ADAMTSL4: variants seen among roughly 807,000 people sequenced by gnomAD.
ADAMTSL4 encodes ADAMTS-like protein 4.
ADAMTSL4 carries 97 observed loss-of-function variants against 122.8 expected under a neutral mutation model. The ratio of observed to expected loss-of-function variants is 0.79; its 90% CI spans 0.67 to 0.93. The LOEUF (loss-of-function observed/expected upper bound fraction) is 0.93. Ranked by LOEUF, ADAMTSL4 falls within the 40% of genes least tolerant of loss-of-function variation. ADAMTSL4 has a pLI of 0.00. For missense variants in ADAMTSL4, 1,408 were observed against 1,453.5 expected, an observed-to-expected ratio of 0.97 and a Z score of 0.51; for synonymous variants, 592 against 568.0, an observed-to-expected ratio of 1.04 and a Z score of -0.60.
At chr1:150,555,408 C>T (rs762928526) in intron 7 of ADAMTSL4, 21 bp from the exon 8 acceptor site, 11 of 1,613,672 alleles carry the variant, frequency 6.8e-6, no homozygotes, top group South Asian at 2.2e-5. Context: ...CCACTAACCA[C>T]CCTTCTACCC....
rs587657428 is a variant in ADAMTSL4, at chr1:150,555,711, G to GCA, written c.1371+152_1371+153dup. On this transcript the variant is annotated intron_variant, in intron 8 of 18. Coordinates refer to ENST00000271643, the MANE Select transcript of ADAMTSL4 (RefSeq NM_019032.6). Reference sequence around the variant, plus strand: ...CACACGCATATGCGCACAGACACATGCACACACGCACACACACACACGCAC... The same window carrying GCA: ...CACACGCATATGCGCACAGACACATGCACACACACGCACACACACACACGCAC... 518 of 1,115,950 alleles carry GCA rather than the reference G, an allele frequency of 4.6e-4. 5 individuals are homozygous for GCA. The African/African-American group carries it at 7.3e-3, about 16-fold the overall frequency. The allele number at this position is 1,115,950 out of a possible 1,614,324, so 69.1% of individuals were successfully genotyped here.
chr1:150,552,399 G>A lies in ADAMTSL4; in HGVS notation c.20+91G>A, dbSNP rs775143896. ...GAAGTGAGGGAAAGGGGACCACTGGGAGGGGCAGGGGAAGTGATGAGTAAC... is the reference window on the plus strand; with the variant it reads ...GAAGTGAGGGAAAGGGGACCACTGGAAGGGGCAGGGGAAGTGATGAGTAAC... On this transcript the variant is annotated intron_variant, in intron 3 of 18. Coordinates refer to ENST00000271643, the MANE Select transcript of ADAMTSL4 (RefSeq NM_019032.6). The surrounding 1 kb of genome is among the most constrained non-coding windows in gnomAD (Gnocchi z 4.0). 295 of 1,536,704 alleles carry A rather than the reference G, an allele frequency of 1.9e-4. No homozygotes were observed. Among genetic ancestry groups the A allele is most frequent in the Non-Finnish European group, 2.5e-4 (279 of 1,127,376 alleles).
At chr1:150,550,176 G>C (rs1671249479) in intron 2 of ADAMTSL4, 1 of 456,038 alleles carries the variant, frequency 2.2e-6, no homozygotes, top group African/African-American at 2.0e-5. Flanking sequence ...GCCCGCGTTT[G>C]TCCAGACCAG....
Position 150,553,825 on chromosome 1 carries a change from C to T in ADAMTSL4, c.834C>T (p.Ser278=). The T allele has an allele frequency of 6.2e-7, 1 of 1,613,936 alleles. No individual in the cohort carries two copies. The highest frequency in any genetic ancestry group is 2.2e-5 in the East Asian group (1 of 44,858). Residue 278 remains serine (S), a synonymous_variant, in exon 6 of 19, where the codon TCC becomes TCT. Coordinates refer to ENST00000271643, the MANE Select transcript of ADAMTSL4 (RefSeq NM_019032.6). The stretch of plus-strand genomic sequence containing the variant: ...GAGAAGGTGGCTTCTTCCGTGCATC[C>T]CCTCAGCCACGAAGGCCAAGTTCCC... The part of the protein sequence containing the change: ...SLGEGGFFRA[S]PQPRRPSSQG...
chr1:150,557,025 GCCCCCTGT>G lies in ADAMTSL4; in HGVS notation c.1842_1849del (p.Val615AlafsTer78). 6.2e-7 allele frequency: 1 copy of G among 1,613,836 alleles called. No homozygotes were observed. Among genetic ancestry groups the G allele is most frequent in the Non-Finnish European group, 8.5e-7 (1 of 1,179,890 alleles). ...CAATCCTTGAGAACCCCACCCCAGA[GCCCCCTGT>G]CCCCCAGCTTCAGCCGGGTAAGACT... On this transcript the variant is annotated frameshift_variant, in exon 11 of 19. Coordinates refer to ENST00000271643, the MANE Select transcript of ADAMTSL4 (RefSeq NM_019032.6). LOFTEE classifies it high-confidence loss of function.
Position 150,552,100 on chromosome 1 carries a change from G to A in ADAMTSL4, c.-84-105G>A, listed in dbSNP as rs1395038491. 1.6e-6 allele frequency: 1 copy of A among 628,300 alleles called. No individual in the cohort carries two copies. The highest frequency in any genetic ancestry group is 1.8e-5 in the African/African-American group (1 of 54,164). 38.9% of individuals were successfully genotyped at this position (628,300 alleles called of 1,614,324 possible). A position where few individuals can be genotyped will look rare whatever the true frequency, so the allele number is the denominator to read the frequency against. On this transcript the variant is annotated intron_variant, in intron 2 of 18. Transcript: ENST00000271643. The surrounding 1 kb of genome is among the most constrained non-coding windows in gnomAD (Gnocchi z 4.0). ...CTGCTCCCACCCTGAGGATCCTAAA[G>A]GGATGGACCAGTTTCACCCCCTCCT... is the stretch of plus-strand genomic sequence containing the variant.
At chr1:150,551,176 C>T in intron 2 of ADAMTSL4, 3 of 361,890 alleles carry the variant, frequency 8.3e-6, no homozygotes, top group Non-Finnish European at 1.7e-5. Flanking sequence ...AATGAGAGGC[C>T]TGTGGCTGGG....
intron 2 of ADAMTSL4, chr1:150,551,454 G>C (rs1053008449): frequency 8.6e-5 from 16 of 185,052 alleles, no homozygotes; most frequent in African/African-American, 3.7e-4. Flanking sequence ...AGAGATGACT[G>C]GGGAAGGTCT....
In ADAMTSL4 at chr1:150,554,590, C is replaced by G. The variant is rs1031222221; in HGVS notation, c.1234+123C>G. The G allele has an allele frequency of 3.9e-6, 6 of 1,552,144 alleles. No individual in the cohort carries two copies. The highest frequency in any genetic ancestry group is 2.4e-5 in the East Asian group (1 of 40,982). On this transcript the variant is annotated intron_variant, in intron 7 of 18. Coordinates refer to ENST00000271643, the MANE Select transcript of ADAMTSL4 (RefSeq NM_019032.6). This position sits in a 1 kb window ranked among gnomAD's most constrained non-coding sequence, Gnocchi z 4.0. ...GCCCCTCTGCTTCCCCTGCGCCATG[C>G]CTTCTTTCTTCTCCCTGGGGCTGGG...
chr1:150,551,207 C>T, intron 2 of ADAMTSL4: 1 of 353,592 alleles, frequency 2.8e-6, no homozygotes, highest in Non-Finnish European at 5.6e-6. Context: ...GCCCCGGCTG[C>T]ACCTCTCCTT....
In ADAMTSL4 at chr1:150,553,468, T is replaced by G. The variant is rs376791448; in HGVS notation, c.477T>G (p.Tyr159Ter). Residue 159 changes from tyrosine to a stop codon, truncating the protein, a stop_gained, in exon 6 of 19, where the codon TAT becomes TAG. Coordinates refer to ENST00000271643, the MANE Select transcript of ADAMTSL4 (RefSeq NM_019032.6). LOFTEE classifies it high-confidence loss of function. ...RDPIKPGMFG[Y>*]GRVPFALPLH... ...CCATCAAGCCAGGAATGTTCGGTTA[T>G]GGGAGAGTGCCCTTTGCATTGCCAC... The G allele has an allele frequency of 9.9e-6, 16 of 1,613,808 alleles. No homozygotes were observed. In the African/African-American group the frequency reaches 2.1e-4, roughly 22 times the overall value.
chr1:150,550,339 C>A lies in ADAMTSL4; in HGVS notation c.-85+444C>A, dbSNP rs1459907352. ...GGGGGCATGGGCCCCTGCCGGGCTG[C>A]GCAGGGGAGGGTGGGGTGGGACTTT... On this transcript the variant is annotated intron_variant, in intron 2 of 18. Coordinates refer to ENST00000271643, the MANE Select transcript of ADAMTSL4 (RefSeq NM_019032.6). 1.1e-4 allele frequency: 47 copies of A among 435,392 alleles called. No homozygotes were observed. The Admixed American group carries it at 1.2e-3, about 11-fold the overall frequency. 27.0% of individuals were successfully genotyped at this position (435,392 alleles called of 1,614,324 possible). A position where few individuals can be genotyped will look rare whatever the true frequency, so the allele number is the denominator to read the frequency against.
chr1:150,559,739 A>G lies in ADAMTSL4; in HGVS notation c.2944-22A>G, dbSNP rs1322238793. ...ATCCCGGGCCTGGCAAAGGTCTGAT[A>G]TGATGGCTGGGGTCGCCCCAGTGTT... On this transcript the variant is annotated intron_variant, in intron 17 of 18. Coordinates refer to ENST00000271643, the MANE Select transcript of ADAMTSL4 (RefSeq NM_019032.6). The surrounding 1 kb of genome is among the most constrained non-coding windows in gnomAD (Gnocchi z 4.1). The G allele has an allele frequency of 5.6e-6, 9 of 1,613,674 alleles. No homozygotes were observed. The highest frequency in any genetic ancestry group is 8.5e-7 in the Non-Finnish European group (1 of 1,179,984).
rs1672529575 is a variant in ADAMTSL4 at position 150,559,137 on chromosome 1, G to C, written c.2735G>C (p.Trp912Ser). 3.1e-6 allele frequency: 5 copies of C among 1,612,776 alleles called. No individual in the cohort carries two copies. The highest frequency in any genetic ancestry group is 4.2e-6 in the Non-Finnish European group (5 of 1,179,838). The change falls in exon 16 of 19, where the codon TGG becomes TCG. Residue 912 changes from tryptophan (W) to serine (S), a missense_variant. By Grantham distance (177) the Trp-to-Ser change is radical. Transcript: ENST00000271643. The surrounding 1 kb of genome is among the most constrained non-coding windows in gnomAD (Gnocchi z 4.1). Reference sequence around the variant, plus strand: ...AGCCTGGGGCCCTGTGAGAGAACTTGGCGCTGGTACACAGGGCCCTGGGGT... The same window carrying C: ...AGCCTGGGGCCCTGTGAGAGAACTTCGCGCTGGTACACAGGGCCCTGGGGT... ...ACSLGPCERT[W>S]RWYTGPWGEC...
Position 150,559,107 on chromosome 1 carries a change from C to A in ADAMTSL4, c.2705C>A (p.Ala902Asp), listed in dbSNP as rs768629989. Residue 902 changes from alanine to aspartate, a missense_variant, in exon 16 of 19, where the codon GCC becomes GAC. Ala to Asp is a moderately radical substitution (Grantham distance 126, BLOSUM62 -2). Transcript: ENST00000271643. This position sits in a 1 kb window ranked among gnomAD's most constrained non-coding sequence, Gnocchi z 4.1. Reference protein sequence around the residue: ...PTGSRPPDMRACSLGPCERTW... With the variant: ...PTGSRPPDMRDCSLGPCERTW... ...GGAAGCCGGCCCCCTGACATGCGCG[C>A]CTGCAGCCTGGGGCCCTGTGAGAGA... 8.7e-6 allele frequency: 14 copies of A among 1,612,844 alleles called. No homozygotes were observed. The Admixed American group carries it at 2.3e-4, about 27-fold the overall frequency.
At chr1:150,550,619 A>G (rs1292923006) in intron 2 of ADAMTSL4, 2 of 398,700 alleles carry the variant, frequency 5.0e-6, no homozygotes, top group East Asian at 1.5e-4. Context: ...CCTCAGCTGG[A>G]GTAACAAGAG....
chr1:150,557,564 C>T lies in ADAMTSL4; in HGVS notation c.2118C>T (p.Ala706=), dbSNP rs368952263. 189 of 1,607,092 alleles carry T rather than the reference C, an allele frequency of 1.2e-4. No individual in the cohort carries two copies. Among genetic ancestry groups the T allele is most frequent in the South Asian group, 7.4e-4 (67 of 90,228 alleles). The change falls in exon 13 of 19, where the codon GCC becomes GCT. Residue 706 remains alanine, a synonymous_variant. Transcript: ENST00000271643. The part of the protein sequence containing the change: ...SGEELDERSC[A]AGARPPASPE... ...AGGAACTGGATGAACGCAGCTGTGC[C>T]GCGGGTGCCAGGCCCCCAGCCTCCC...
Position 150,552,502 on chromosome 1 carries a change from G to A in ADAMTSL4, c.21-41G>A. On this transcript the variant is annotated intron_variant, in intron 3 of 18. Coordinates refer to ENST00000271643, the MANE Select transcript of ADAMTSL4 (RefSeq NM_019032.6). The surrounding 1 kb of genome is among the most constrained non-coding windows in gnomAD (Gnocchi z 4.0). ...AGGGCAGTGTTGCAACACCCCCTCT[G>A]GCTCCAGTCTGACGTCCCTCCCCTG... 2 of 1,613,586 alleles carry A rather than the reference G, an allele frequency of 1.2e-6. No individual in the cohort carries two copies. The highest frequency in any genetic ancestry group is 1.7e-6 in the Non-Finnish European group (2 of 1,179,528).
chr1:150,554,360 C>T lies in ADAMTSL4; in HGVS notation c.1132-5C>T, dbSNP rs758617597. ...GCTCTGACTCCTTTGTACCCCTCAC[C>T]GCAGCCCTGCCCCCCTGAGCAGCCA... On this transcript the variant is annotated splice_polypyrimidine_tract_variant and splice_region_variant and intron_variant, in intron 6 of 18. Coordinates refer to ENST00000271643, the MANE Select transcript of ADAMTSL4 (RefSeq NM_019032.6). The surrounding 1 kb of genome is among the most constrained non-coding windows in gnomAD (Gnocchi z 4.0). 56 of 1,612,006 alleles carry T rather than the reference C, an allele frequency of 3.5e-5. No individual in the cohort carries two copies. The highest frequency in any genetic ancestry group is 5.3e-5 in the African/African-American group (4 of 74,772).
Sources: allele counts gnomAD v4.1 joint callset, GRCh38; gene constraint gnomAD v4.1.1; non-coding constraint Gnocchi (gnomAD v3.1); transcripts MANE v1.5; gene names NCBI Gene and HGNC (gene_info 2026-07-23, HGNC 2026-07-21).